DHRSX: variants seen among roughly 807,000 people sequenced by gnomAD.
DHRSX encodes the protein dehydrogenase/reductase X-linked.
A neutral mutation model predicts 34.0 loss-of-function variants in DHRSX; 31 were observed. The observed-to-expected ratio is 0.91, with a 90% CI of 0.69 to 1.23. The LOEUF (loss-of-function observed/expected upper bound fraction) is 1.23, where lower values mean the gene tolerates loss of function less well. DHRSX is among the 50% of genes most tolerant of loss of function. The pLI is 0.00. For synonymous variants in DHRSX, 201 were observed against 183.8 expected (o/e 1.09, Z -0.76); for missense variants, 414 against 428.1 (o/e 0.97, Z 0.29).
intron 3 of DHRSX, among the ~76,000 whole-genome samples, chrX:2,332,130 T>C (rs2042486592): frequency 6.6e-6 from 1 of 152,190 alleles, no homozygotes; most frequent in African/African-American, 2.4e-5. Flanking sequence ...AACGACATTA[T>C]TAACTTTGCC....
intron 3 of DHRSX, among the ~76,000 whole-genome samples, chrX:2,347,721 G>C (rs2042738434): frequency 6.6e-6 from 1 of 152,108 alleles, no homozygotes; most frequent in Non-Finnish European, 1.5e-5. Context: ...AGTGGGGACA[G>C]AGCCAAACCA....
intron 3 of DHRSX, among the ~76,000 whole-genome samples, chrX:2,298,672 G>A (rs1358102431): frequency 1.5e-5 from 2 of 133,512 alleles, no homozygotes; most frequent in Non-Finnish European, 2.9e-5. Context: ...ACAGGGTCCT[G>A]AGAACCCTTA....
intron 1 of DHRSX, among the ~76,000 whole-genome samples, chrX:2,478,642 C>G (rs931182296): frequency 3.0e-4 from 23 of 76,044 alleles, no homozygotes; most frequent in African/African-American, 1.5e-3. Context: ...AAGACGTTCC[C>G]TAAGAATGAC....
Position 2,428,114 on chromosome X carries a change from G to C in DHRSX, c.110-2810C>G, listed in dbSNP as rs773263819. On this transcript the variant is annotated intron_variant, in intron 1 of 6. Coordinates refer to ENST00000334651, the MANE Select transcript of DHRSX (RefSeq NM_145177.3). ...CATCGAGGACTCAGAAGTCTCACAGGGTGGGATGGGATGAGGGATGAGAAA... is the reference window on the plus strand; with the variant it reads ...CATCGAGGACTCAGAAGTCTCACAGCGTGGGATGGGATGAGGGATGAGAAA... Among the ~76,000 whole-genome samples, 4 of 152,216 alleles carry C rather than the reference G, an allele frequency of 2.6e-5. No individual in the cohort carries two copies. The East Asian group carries it at 7.7e-4, about 29-fold the overall frequency.
chrX:2,323,327 C>T (rs181381018), intron 3 of DHRSX, among the ~76,000 whole-genome samples: 1 of 152,106 alleles, frequency 6.6e-6, no homozygotes, highest in Admixed American at 6.6e-5. Context: ...AAAACTCCTA[C>T]GGGATGCTAC....
chrX:2,491,466 G>A (rs1323901712), intron 1 of DHRSX, among the ~76,000 whole-genome samples: 1 of 152,110 alleles, frequency 6.6e-6, no homozygotes, highest in Non-Finnish European at 1.5e-5. Context: ...CTTTTCTGGG[G>A]ATGAAGCCTA....
At chrX:2,253,960 T>C (rs1407178934) in intron 5 of DHRSX, among the ~76,000 whole-genome samples, 9 of 151,152 alleles carry the variant, frequency 6.0e-5, no homozygotes, top group Admixed American at 2.6e-4. Flanking sequence ...ACTCGGGAGG[T>C]TGAGGCAGGA....
chrX:2,343,377 G>A (rs2042663763), intron 3 of DHRSX, among the ~76,000 whole-genome samples: 1 of 150,816 alleles, frequency 6.6e-6, no homozygotes, highest in African/African-American at 2.4e-5. Flanking sequence ...CTTGACATAA[G>A]TGACTCCACC....
chrX:2,398,342 C>T (rs2043440029), intron 3 of DHRSX, among the ~76,000 whole-genome samples: 1 of 152,156 alleles, frequency 6.6e-6, no homozygotes, highest in African/African-American at 2.4e-5. Context: ...AGCCCTAACC[C>T]TAAATATTAG....
chrX:2,266,301 G>A (rs899622656), intron 5 of DHRSX, among the ~76,000 whole-genome samples: 5 of 139,062 alleles, frequency 3.6e-5, no homozygotes, highest in Non-Finnish European at 6.0e-5. Context: ...AGGGAGCACC[G>A]TCCCCAGAGC....
intron 1 of DHRSX, among the ~76,000 whole-genome samples, chrX:2,443,706 G>GT (rs2044091194): frequency 6.6e-6 from 1 of 151,982 alleles, no homozygotes; most frequent in South Asian, 2.1e-4. Context: ...AGATGAGATG[G>GT]TAAAAAAAAG....
chrX:2,460,045 T>G (rs1216305632), intron 1 of DHRSX, among the ~76,000 whole-genome samples: 1 of 151,566 alleles, frequency 6.6e-6, no homozygotes, highest in Non-Finnish European at 1.5e-5. Context: ...GAGGTGGAGG[T>G]TGCAGTGAGC....
intron 1 of DHRSX, among the ~76,000 whole-genome samples, chrX:2,468,293 G>C (rs752324964): frequency 9.9e-5 from 15 of 152,122 alleles, no homozygotes; most frequent in African/African-American, 3.6e-4. Flanking sequence ...ATGTGGACCG[G>C]GCAGGGGAAG....
intron 1 of DHRSX, among the ~76,000 whole-genome samples, chrX:2,496,839 T>C (rs2045297173): frequency 6.7e-6 from 1 of 149,378 alleles, no homozygotes; most frequent in Admixed American, 6.7e-5. Flanking sequence ...TATAACTTAT[T>C]TGTATTTTAT....
At chrX:2,500,784 C>A in intron 1 of DHRSX, 33 bp downstream of exon 1, 1 of 1,068,400 alleles carries the variant, frequency 9.4e-7, no homozygotes, top group South Asian at 4.4e-5. Context: ...ACCCGGGTCC[C>A]CGGAGCCCTG....
At chrX:2,290,017 A>C (rs1254278929) in intron 4 of DHRSX, among the ~76,000 whole-genome samples, 1 of 152,252 alleles carries the variant, frequency 6.6e-6, no homozygotes, top group African/African-American at 2.4e-5. Flanking sequence ...CTATGTCTGC[A>C]CGTATTTTTA....
rs2041277569 is a variant in DHRSX at position 2,256,288 on chromosome X, T to C, written c.596+10452A>G. 2.0e-5 allele frequency among the ~76,000 whole-genome samples: 3 copies of C among 151,044 alleles called. No homozygotes were observed. In the South Asian group the frequency reaches 6.3e-4, roughly 32 times the overall value. On this transcript the variant is annotated intron_variant, in intron 5 of 6. Transcript: ENST00000334651. ...GATGACAGACTTAAGCCACTGTGCC[T>C]GCCCTTTTTTTTCTTTTTTTGAGAG... is the stretch of plus-strand genomic sequence containing the variant.
At chrX:2,441,879 T>G (rs2044067067) in intron 1 of DHRSX, among the ~76,000 whole-genome samples, 1 of 152,026 alleles carries the variant, frequency 6.6e-6, no homozygotes, top group Non-Finnish European at 1.5e-5. Flanking sequence ...AAGACCAGCC[T>G]GGCCAACATG....
chrX:2,452,177 G>C (rs1345581174), intron 1 of DHRSX, among the ~76,000 whole-genome samples: 2 of 151,984 alleles, frequency 1.3e-5, no homozygotes, highest in Non-Finnish European at 2.9e-5. Context: ...ATGTGGCTAA[G>C]GGACCGCCGC....
Sources: gnomAD v4.1 joint callset for allele counts (sites outside exome capture counted in the v4.1 genomes callset) on GRCh38, gnomAD v4.1.1 for gene constraint, MANE v1.5 for transcripts, NCBI Gene and HGNC (gene_info 2026-07-23, HGNC 2026-07-21) for gene names.